The following GPC5 variants were observed in gnomAD, a reference collection of about 807,000 sequenced individuals.
GPC5 encodes the protein glypican-5.
GPC5 carries 47 observed loss-of-function variants against 53.9 expected under a neutral mutation model. The ratio of observed to expected loss-of-function variants is 0.87; its 90% CI spans 0.69 to 1.11. GPC5 has a LOEUF of 1.11. GPC5 is among the 50% of genes most tolerant of loss of function. The pLI, the probability that GPC5 is intolerant of heterozygous loss-of-function variation, is 0.00. For synonymous variants in GPC5, 286 were observed against 263.3 expected (o/e 1.09, Z -0.84); for missense variants, 748 against 713.1 (o/e 1.05, Z -0.56).
rs139311185 is a variant in GPC5 at position 92,746,201 on chromosome 13, A to G, written c.1562-120081A>G. Among the ~76,000 whole-genome samples the G allele has an allele frequency of 2.4e-3, 360 of 152,216 alleles. 2 individuals are homozygous for G. Among genetic ancestry groups the G allele is most frequent in the African/African-American group, 8.4e-3 (348 of 41,548 alleles). On this transcript the variant is annotated intron_variant, in intron 7 of 7. Coordinates refer to ENST00000377067, the MANE Select transcript of GPC5 (RefSeq NM_004466.6). Reference sequence around the variant, plus strand: ...GCAAAAGAATGAATCCAAGCCAGTAAAGTAGCTTTATAAAAGGTGCTTCAA... The same window carrying G: ...GCAAAAGAATGAATCCAAGCCAGTAGAGTAGCTTTATAAAAGGTGCTTCAA...
chr13:91,660,615 T>A (rs1398762247), intron 2 of GPC5, among the ~76,000 whole-genome samples: 1 of 152,216 alleles, frequency 6.6e-6, no homozygotes, highest in Non-Finnish European at 1.5e-5. Context: ...TTTGGGATCA[T>A]CTGTTTGCAG....
intron 7 of GPC5, among the ~76,000 whole-genome samples, chr13:92,357,877 G>T (rs760551626): frequency 1.7e-4 from 25 of 151,138 alleles, no homozygotes; most frequent in Admixed American, 1.3e-4. Flanking sequence ...TGAGATATGG[G>T]GGGGGACACA....
At chr13:91,920,023 A>G (rs796247463) in intron 6 of GPC5, among the ~76,000 whole-genome samples, 17 of 152,318 alleles carry the variant, frequency 1.1e-4, no homozygotes, top group African/African-American at 3.8e-4. Context: ...CCCTATCTAC[A>G]TACAACAATT....
chr13:92,473,417 G>T (rs763976696), intron 7 of GPC5, among the ~76,000 whole-genome samples: 2 of 152,078 alleles, frequency 1.3e-5, no homozygotes, highest in Non-Finnish European at 2.9e-5. Context: ...TATGGCATGG[G>T]CCACAGAATA....
chr13:92,190,292 A>C (rs531936848), intron 7 of GPC5, among the ~76,000 whole-genome samples: 1 of 152,292 alleles, frequency 6.6e-6, no homozygotes, highest in East Asian at 1.9e-4. Context: ...ATTTTAGAGA[A>C]TTTGTTGCCA....
At chr13:92,861,762 T>C (rs1342636264) in intron 7 of GPC5, among the ~76,000 whole-genome samples, 1 of 152,192 alleles carries the variant, frequency 6.6e-6, no homozygotes, top group Non-Finnish European at 1.5e-5. Context: ...ACTTAAAATA[T>C]GTAGGCTTTA....
chr13:92,186,289 G>T (rs1377774073), intron 7 of GPC5, among the ~76,000 whole-genome samples: 1 of 151,834 alleles, frequency 6.6e-6, no homozygotes, highest in Non-Finnish European at 1.5e-5. Flanking sequence ...TTTCAGCTTT[G>T]AAATTTGGAA....
Position 91,544,426 on chromosome 13 carries a change from G to A in GPC5, c.325+95504G>A, listed in dbSNP as rs182235654. Among the ~76,000 whole-genome samples the A allele has an allele frequency of 1.1e-4, 16 of 152,212 alleles. 1 individual carries two copies. The South Asian group carries it at 1.2e-3, about 12-fold the overall frequency. On this transcript the variant is annotated intron_variant, in intron 2 of 7. Transcript: ENST00000377067. ...GGCAGTTTGACTTTTGCTTTGCTGCGTGTCTGTGTTTGTGTACTGGTCTTT... is the reference window on the plus strand; with the variant it reads ...GGCAGTTTGACTTTTGCTTTGCTGCATGTCTGTGTTTGTGTACTGGTCTTT...
chr13:91,957,773 C>G (rs1306769299), intron 6 of GPC5, among the ~76,000 whole-genome samples: 1 of 151,956 alleles, frequency 6.6e-6, no homozygotes, highest in Non-Finnish European at 1.5e-5. Flanking sequence ...ACTAGACTAG[C>G]CCTATAAGAA....
intron 7 of GPC5, among the ~76,000 whole-genome samples, chr13:92,551,325 T>C (rs963869246): frequency 3.3e-5 from 5 of 151,068 alleles, no homozygotes; most frequent in Admixed American, 6.6e-5. Flanking sequence ...GCGAAAATAA[T>C]TAAATAAAAA....
intron 2 of GPC5, among the ~76,000 whole-genome samples, chr13:91,602,910 C>T (rs887158956): frequency 3.3e-5 from 5 of 152,140 alleles, no homozygotes; most frequent in Admixed American, 6.5e-5. Context: ...AACTAAGATA[C>T]GCCTAGAATA....
chr13:91,711,714 G>A (rs1010061349), intron 3 of GPC5, among the ~76,000 whole-genome samples: 7 of 152,136 alleles, frequency 4.6e-5, no homozygotes, highest in Non-Finnish European at 7.4e-5. Flanking sequence ...ACAAGTTATG[G>A]ATTTTCTGCT....
chr13:91,602,895 C>A (rs1209253913), intron 2 of GPC5, among the ~76,000 whole-genome samples: 2 of 152,142 alleles, frequency 1.3e-5, no homozygotes, highest in African/African-American at 4.8e-5. Context: ...ATATCTCTAG[C>A]AAGGAACTAA....
chr13:92,839,110 C>G (rs1566440039), intron 7 of GPC5, among the ~76,000 whole-genome samples: 2 of 152,310 alleles, frequency 1.3e-5, no homozygotes, highest in East Asian at 3.9e-4. Flanking sequence ...GCACTTGTTG[C>G]CTGAGCACTT....
intron 5 of GPC5, among the ~76,000 whole-genome samples, chr13:91,770,409 A>T (rs2037601187): frequency 6.6e-6 from 1 of 152,174 alleles, no homozygotes; most frequent in African/African-American, 2.4e-5. Context: ...GAGAATGGAA[A>T]GTCAACCTGA....
At chr13:92,315,947 G>A (rs933769631) in intron 7 of GPC5, among the ~76,000 whole-genome samples, 2 of 152,036 alleles carry the variant, frequency 1.3e-5, no homozygotes, top group Non-Finnish European at 2.9e-5. Flanking sequence ...ACCCTTACAT[G>A]GTTATAATAA....
chr13:92,697,731 T>C (rs978283545), intron 7 of GPC5, among the ~76,000 whole-genome samples: 21 of 152,300 alleles, frequency 1.4e-4, no homozygotes, highest in South Asian at 1.0e-3. Flanking sequence ...TCCAACACTA[T>C]GTTGAATAGG....
At chr13:92,022,807 C>T (rs2040769897) in intron 6 of GPC5, among the ~76,000 whole-genome samples, 1 of 151,694 alleles carries the variant, frequency 6.6e-6, no homozygotes, top group Non-Finnish European at 1.5e-5. Context: ...AAATAACATC[C>T]TTGATATAAA....
At chr13:92,848,267 C>A (rs2138841230) in intron 7 of GPC5, among the ~76,000 whole-genome samples, 1 of 152,204 alleles carries the variant, frequency 6.6e-6, no homozygotes, top group East Asian at 1.9e-4. Context: ...GCAGATTTTA[C>A]AGATGAAGAA....
Sources: allele counts gnomAD v4.1 joint callset (sites outside exome capture counted in the v4.1 genomes callset), GRCh38; gene constraint gnomAD v4.1.1; transcripts MANE v1.5; gene names NCBI Gene and HGNC (gene_info 2026-07-23, HGNC 2026-07-21).